The following RASAL2 variants were observed in gnomAD, a reference collection of about 807,000 sequenced individuals.
RASAL2 encodes RAS protein activator like 2, also known as ras GTPase-activating protein nGAP.
Under a neutral mutation model 128.9 loss-of-function variants are expected in RASAL2, and 58 were observed. The ratio of observed to expected loss-of-function variants is 0.45; its 90% CI spans 0.36 to 0.56. RASAL2 has a LOEUF of 0.56. Among genes scored for constraint, RASAL2 ranks in the 20% least tolerant of loss-of-function variants. The pLI is 0.00. For synonymous variants in RASAL2, 561 were observed against 580.8 expected (o/e 0.97, Z 0.49); for missense variants, 1,360 against 1,601.6 (o/e 0.85, Z 2.57).
At position 178,279,182 on chromosome 1, in the gene RASAL2, A is replaced by G. The variant is rs1571766828; in HGVS notation, c.203-4382A>G. ...TATCTTTCTTCCTTTTTTGAAAACC[A>G]TCTATATTGGACTTCCTGTTATATA... On this transcript the variant is annotated intron_variant, in intron 1 of 17. Transcript: ENST00000367649. Among the ~76,000 whole-genome samples the G allele has an allele frequency of 2.0e-5, 3 of 152,246 alleles. No individual in the cohort carries two copies. In the East Asian group the frequency reaches 5.8e-4, roughly 29 times the overall value.
intron 3 of RASAL2, among the ~76,000 whole-genome samples, chr1:178,331,512 C>G (rs1669310759): frequency 6.6e-6 from 1 of 150,588 alleles, no homozygotes; most frequent in Non-Finnish European, 1.5e-5. Flanking sequence ...GTTTTTGTTG[C>G]TATTAGCAAT....
intron 8 of RASAL2, among the ~76,000 whole-genome samples, chr1:178,443,834 C>A (rs1175860921): frequency 1.3e-5 from 2 of 152,102 alleles, no homozygotes; most frequent in Non-Finnish European, 2.9e-5. Flanking sequence ...AGAACAAAAA[C>A]TAGTTGAGAG....
chr1:178,452,281 T>C, intron 10 of RASAL2, 135 bp from the exon 11 acceptor site: 1 of 755,104 alleles, frequency 1.3e-6, no homozygotes, highest in Non-Finnish European at 2.2e-6. Context: ...AGGTAAAACC[T>C]CATCCCGGAA....
chr1:178,197,732 G>A (rs1299099347), intron 1 of RASAL2, among the ~76,000 whole-genome samples: 1 of 151,976 alleles, frequency 6.6e-6, no homozygotes, highest in Non-Finnish European at 1.5e-5. Flanking sequence ...TAAGTTCTAG[G>A]GTACATGTGC....
intron 1 of RASAL2, among the ~76,000 whole-genome samples, chr1:178,102,411 G>T (rs1571473995): frequency 6.6e-6 from 1 of 152,060 alleles, no homozygotes; most frequent in African/African-American, 2.4e-5. Context: ...AGGTTGGAGT[G>T]CAGTGGCGCA....
rs536534460 is a variant in RASAL2, at chr1:178,470,781, A to G, written c.3679-2294A>G. On this transcript the variant is annotated intron_variant, in intron 17 of 17. Coordinates refer to ENST00000367649, the MANE Select transcript of RASAL2 (RefSeq NM_170692.4). The stretch of plus-strand genomic sequence containing the variant: ...GCAGTTCCCAGCCCTGGCCCAGTGC[A>G]CTGGCCTCCTACACATTCCAGCTCC... 467 of 1,300,318 alleles carry G rather than the reference A, an allele frequency of 3.6e-4. 1 individual carries two copies. The African/African-American group carries it at 6.4e-3, about 18-fold the overall frequency. 80.5% of individuals were successfully genotyped at this position (1,300,318 alleles called of 1,614,324 possible).
intron 1 of RASAL2, among the ~76,000 whole-genome samples, chr1:178,154,217 G>T (rs1349464749): frequency 6.6e-6 from 1 of 151,776 alleles, no homozygotes; most frequent in Admixed American, 6.6e-5. Context: ...CACCATCATG[G>T]CTCACTGCAG....
intron 1 of RASAL2, among the ~76,000 whole-genome samples, chr1:178,140,026 G>A (rs970745545): frequency 4.6e-5 from 7 of 151,962 alleles, no homozygotes; most frequent in Non-Finnish European, 1.0e-4. Context: ...CACCTTATTG[G>A]TAAATGTCAG....
intron 3 of RASAL2, chr1:178,372,441 TAAGGG>T: frequency 2.6e-6 from 2 of 773,222 alleles, no homozygotes; most frequent in Non-Finnish European, 3.1e-6. Flanking sequence ...GAAGAGGAAT[TAAGGG>T]AATATGTTTA....
intron 1 of RASAL2, among the ~76,000 whole-genome samples, chr1:178,231,860 A>G (rs1034447027): frequency 4.6e-5 from 7 of 152,202 alleles, no homozygotes; most frequent in African/African-American, 1.2e-4. Context: ...GAGAAAGCCA[A>G]ATACTTCATT....
intron 3 of RASAL2, among the ~76,000 whole-genome samples, chr1:178,326,270 G>A (rs1669036142): frequency 6.6e-6 from 1 of 152,046 alleles, no homozygotes; most frequent in South Asian, 2.1e-4. Context: ...AAAGGTATAT[G>A]GTATCAGTTC....
chr1:178,354,678 T>G (rs1048985147), intron 3 of RASAL2, among the ~76,000 whole-genome samples: 4 of 152,152 alleles, frequency 2.6e-5, no homozygotes, highest in African/African-American at 7.2e-5. Context: ...AGATCAACAA[T>G]AAACTGAAAG....
intron 1 of RASAL2, among the ~76,000 whole-genome samples, chr1:178,241,846 A>C (rs1664512120): frequency 6.6e-6 from 1 of 152,208 alleles, no homozygotes. Context: ...AAGTGTATGC[A>C]GAGGCCATGG....
intron 14 of RASAL2, among the ~76,000 whole-genome samples, chr1:178,461,985 C>A (rs1678233455): frequency 6.6e-6 from 1 of 152,272 alleles, no homozygotes; most frequent in East Asian, 1.9e-4. Context: ...CCAGGGAAAC[C>A]CTATACAGCT....
At chr1:178,385,954 A>T (rs1185631123) in intron 3 of RASAL2, among the ~76,000 whole-genome samples, 1 of 152,004 alleles carries the variant, frequency 6.6e-6, no homozygotes, top group Non-Finnish European at 1.5e-5. Context: ...GTACCTATTC[A>T]TCTCCCTGAC....
chr1:178,196,310 A>G (rs1372436485), intron 1 of RASAL2, among the ~76,000 whole-genome samples: 1 of 152,210 alleles, frequency 6.6e-6, no homozygotes, highest in Non-Finnish European at 1.5e-5. Flanking sequence ...AAGAAAGGGA[A>G]AAGTCAAGGT....
intron 17 of RASAL2, among the ~76,000 whole-genome samples, chr1:178,470,451 T>TA (rs1226489847): frequency 1.3e-5 from 2 of 152,194 alleles, no homozygotes. Flanking sequence ...CAGAAGCACC[T>TA]ATCCTGGACC....
chr1:178,193,426 A>G (rs1054807894), intron 1 of RASAL2, among the ~76,000 whole-genome samples: 2 of 152,204 alleles, frequency 1.3e-5, no homozygotes, highest in African/African-American at 4.8e-5. Flanking sequence ...TGTTCATAAT[A>G]TAATGAATTT....
intron 3 of RASAL2, 51 bp from the exon 4 acceptor site, chr1:178,390,049 T>A (rs777628208): frequency 3.3e-6 from 4 of 1,195,626 alleles, no homozygotes; most frequent in Non-Finnish European, 3.6e-6. Context: ...CAGTGGAAGA[T>A]CCTAAATTTG....
Sources: allele counts gnomAD v4.1 joint callset (sites outside exome capture counted in the v4.1 genomes callset), GRCh38; gene constraint gnomAD v4.1.1; transcripts MANE v1.5; gene names NCBI Gene and HGNC (gene_info 2026-07-23, HGNC 2026-07-21).